Variants in MYOF observed in about 807,000 individuals in gnomAD.
The protein encoded by MYOF is myoferlin.
Under a neutral mutation model 284.2 loss-of-function variants are expected in MYOF, and 244 were observed. The observed-to-expected ratio is 0.86, with a 90% CI of 0.77 to 0.95. The LOEUF (loss-of-function observed/expected upper bound fraction) is 0.95. Ranked by LOEUF, MYOF falls within the 40% of genes least tolerant of loss-of-function variation. MYOF has a pLI of 0.00. For missense variants in MYOF, 2,496 were observed against 2,560.6 expected, an observed-to-expected ratio of 0.97 and a Z score of 0.54; for synonymous variants, 904 against 919.7, an observed-to-expected ratio of 0.98 and a Z score of 0.31.
At chr10:93,316,549 C>T (rs1301989970) in intron 50 of MYOF, among the ~76,000 whole-genome samples, 165 bp downstream of exon 50, 1 of 152,098 alleles carries the variant, frequency 6.6e-6, no homozygotes, top group Non-Finnish European at 1.5e-5. Context: ...TGTCAGGCTG[C>T]ACTGCCAAGA....
At chr10:93,316,837 A>G (rs1425876063) in intron 49 of MYOF, 24 bp from the exon 50 acceptor site, 4 of 1,586,538 alleles carry the variant, frequency 2.5e-6, no homozygotes, top group Non-Finnish European at 1.7e-6. Context: ...AAACATGATC[A>G]TGATGACTCT....
chr10:93,457,133 A>C (rs10882235), intron 1 of MYOF, among the ~76,000 whole-genome samples, 196 bp from the exon 2 acceptor site: 1 of 152,066 alleles, frequency 6.6e-6, no homozygotes, highest in East Asian at 1.9e-4. Context: ...AGGTTTTCCC[A>C]TCTCCAGGTC....
rs760439386 is a variant in MYOF at position 93,409,624 on chromosome 10, G to C, written c.549C>G (p.Thr183=). ...GCATCCGCCGGCTGTTCTTTACTTT[G>C]GTGAGCCTCCGAGCAAGCTGAGCTT... ...VSEAQLARRL[T]KVKNSRRMLS... is the part of the protein sequence containing the mutation. Residue 183 remains threonine (T), a synonymous_variant, in exon 6 of 54, where the codon ACC becomes ACG. Transcript: ENST00000359263. 6.2e-7 allele frequency: 1 copy of C among 1,614,188 alleles called. No individual in the cohort carries two copies. The highest frequency in any genetic ancestry group is 1.7e-5 in the Admixed American group (1 of 60,026).
At chr10:93,434,355 C>T (rs1053891065) in intron 3 of MYOF, among the ~76,000 whole-genome samples, 13 of 150,736 alleles carry the variant, frequency 8.6e-5, no homozygotes, top group Non-Finnish European at 1.9e-4. Context: ...TCACTTGAAC[C>T]GTGAGGCAGA....
chr10:93,467,491 T>A lies in MYOF; in HGVS notation c.89-10554A>T, dbSNP rs1239714677. 3.9e-5 allele frequency among the ~76,000 whole-genome samples: 6 copies of A among 152,048 alleles called. No individual in the cohort carries two copies. In the East Asian group the frequency reaches 1.2e-3, roughly 29 times the overall value. ...AGGAAACAACAGGTGCTGGAGAGGA[T>A]GTGGAGAAATAGGAACACTTTTACA... On this transcript the variant is annotated intron_variant, in intron 1 of 53. Transcript: ENST00000359263.
Position 93,379,854 on chromosome 10 carries a change from G to A in MYOF, c.2001+9C>T, listed in dbSNP as rs753126006. On this transcript the variant is annotated intron_variant, in intron 21 of 53. Transcript: ENST00000359263. ...GGTGAAAAGGAAATGCAGAAAAAGA[G>A]AAACTTACCAGCCGTTCTGCCATAG... The A allele has an allele frequency of 1.4e-5, 23 of 1,613,048 alleles. No homozygotes were observed. In the South Asian group the frequency reaches 2.2e-4, roughly 15 times the overall value.
chr10:93,312,585 C>A (rs1842436774), intron 51 of MYOF, among the ~76,000 whole-genome samples: 2 of 151,834 alleles, frequency 1.3e-5, no homozygotes, highest in African/African-American at 4.8e-5. Flanking sequence ...GTCTCGAACT[C>A]CTGACCTCAG....
At position 93,394,510 on chromosome 10, in the gene MYOF, G is replaced by A. The variant is rs969211679; in HGVS notation, c.1418-1555C>T. On this transcript the variant is annotated intron_variant, in intron 16 of 53. Coordinates refer to ENST00000359263, the MANE Select transcript of MYOF (RefSeq NM_013451.4). ...GAGTCTTGCTCTGTCGCCCAGGCTG[G>A]AGTGCAGTGGCGCGATCTCGGCTCA... 4.8e-5 allele frequency among the ~76,000 whole-genome samples: 6 copies of A among 126,270 alleles called. No individual in the cohort carries two copies. In the Admixed American group the frequency reaches 5.4e-4, roughly 11 times the overall value. The allele number at this position is 126,270 out of a possible 152,430, so 82.8% of individuals were successfully genotyped here. A position where few individuals can be genotyped will look rare whatever the true frequency, so the allele number is the denominator to read the frequency against.
chr10:93,306,680 T>C lies in MYOF; in HGVS notation c.*283A>G, dbSNP rs1441657948. 1.3e-5 allele frequency: 5 copies of C among 397,010 alleles called. 1 individual carries two copies. The highest frequency in any genetic ancestry group is 8.5e-5 in the South Asian group (2 of 23,464). 24.6% of individuals were successfully genotyped at this position (397,010 alleles called of 1,614,324 possible). ...AGAACCGAAGACACATATAAAAAGA[T>C]GATTTTTAAATGGAACCAGCCACCT... On this transcript the variant is annotated 3_prime_UTR_variant, in exon 54 of 54. Coordinates refer to ENST00000359263, the MANE Select transcript of MYOF (RefSeq NM_013451.4).
At chr10:93,346,413 C>G (rs1056866267) in intron 37 of MYOF, among the ~76,000 whole-genome samples, 1 of 152,258 alleles carries the variant, frequency 6.6e-6, no homozygotes, top group Admixed American at 6.5e-5. Context: ...TGAGGCTGTT[C>G]CAGCCCTCCC....
intron 5 of MYOF, among the ~76,000 whole-genome samples, chr10:93,415,140 C>T (rs1311510829): frequency 6.6e-6 from 1 of 152,138 alleles, no homozygotes; most frequent in East Asian, 1.9e-4. Context: ...CCCTGCACCC[C>T]ACTTCCTCCA....
intron 29 of MYOF, among the ~76,000 whole-genome samples, chr10:93,358,755 C>G (rs1844927430): frequency 6.6e-6 from 1 of 152,114 alleles, no homozygotes; most frequent in Non-Finnish European, 1.5e-5. Flanking sequence ...ACAATGAGAA[C>G]ACTTGGACAC....
intron 22 of MYOF, among the ~76,000 whole-genome samples, chr10:93,375,488 T>C (rs765186226): frequency 1.3e-5 from 2 of 152,266 alleles, no homozygotes; most frequent in African/African-American, 2.4e-5. Context: ...GATGTAATGA[T>C]GAACATAGGC....
At chr10:93,394,418 G>T (rs1321756346) in intron 16 of MYOF, among the ~76,000 whole-genome samples, 2 of 106,154 alleles carry the variant, frequency 1.9e-5, no homozygotes, top group African/African-American at 3.5e-5. Flanking sequence ...ATTTATAATT[G>T]TACTATATCT....
At chr10:93,329,040 G>A in intron 44 of MYOF, 129 bp from the exon 45 acceptor site, 1 of 882,578 alleles carries the variant, frequency 1.1e-6, no homozygotes, top group Non-Finnish European at 1.6e-6. Context: ...GCTACACTCT[G>A]ACTTTGGCCT....
At chr10:93,309,869 T>C (rs1589366570) in intron 53 of MYOF, 151 bp downstream of exon 53, 10 of 898,364 alleles carry the variant, frequency 1.1e-5, no homozygotes, top group East Asian at 2.7e-5. Context: ...ACAAGACACA[T>C]TACTTTAAAT....
intron 2 of MYOF, among the ~76,000 whole-genome samples, chr10:93,455,307 A>T (rs60763760): frequency 7.5e-5 from 1 of 13,310 alleles, no homozygotes; most frequent in Admixed American, 7.7e-4. Context: ...AACAAAAAAC[A>T]AAAAAACAAA....
chr10:93,324,878 C>T (rs1407178143), intron 46 of MYOF, among the ~76,000 whole-genome samples: 1 of 152,068 alleles, frequency 6.6e-6, no homozygotes, highest in Non-Finnish European at 1.5e-5. Context: ...CTCCCTGGTT[C>T]AAGTGATTCT....
chr10:93,363,826 A>C, intron 27 of MYOF, 135 bp downstream of exon 27: 1 of 644,328 alleles, frequency 1.6e-6, no homozygotes, highest in Non-Finnish European at 2.7e-6. Context: ...GGCTTAAGCT[A>C]TAAGTGGAAG....
Sources: allele counts gnomAD v4.1 joint callset (sites outside exome capture counted in the v4.1 genomes callset), GRCh38; gene constraint gnomAD v4.1.1; transcripts MANE v1.5; gene names NCBI Gene and HGNC (gene_info 2026-07-23, HGNC 2026-07-21).